Variants in GBP7 observed in about 807,000 individuals in gnomAD.
The protein encoded by GBP7 is guanylate binding protein 7, also known as guanylate-binding protein 7.
In GBP7, 43 loss-of-function variants were observed where a neutral mutation model predicts 61.3. That is an observed-to-expected ratio of 0.70 (90% CI 0.55 to 0.91). GBP7 has a LOEUF of 0.91. Among genes scored for constraint, GBP7 ranks in the 40% least tolerant of loss-of-function variants. The pLI is 0.00. For missense variants in GBP7, 717 were observed against 740.5 expected (o/e 0.97, Z 0.37); for synonymous variants, 267 against 271.0 (o/e 0.99, Z 0.14).
At chr1:89,145,650 AT>A (rs1682047356) in intron 8 of GBP7, among the ~76,000 whole-genome samples, 1 of 152,230 alleles carries the variant, frequency 6.6e-6, no homozygotes, top group Non-Finnish European at 1.5e-5. Context: ...CAAAATTAGC[AT>A]ACAAATTCAG....
At chr1:89,141,372 A>G (rs1352803795) in intron 9 of GBP7, among the ~76,000 whole-genome samples, 174 bp downstream of exon 9, 1 of 152,204 alleles carries the variant, frequency 6.6e-6, no homozygotes, top group East Asian at 1.9e-4. Flanking sequence ...GTGGGAAGAA[A>G]CTAAGTGGCT....
chr1:89,147,080 A>G (rs936180977), intron 8 of GBP7, among the ~76,000 whole-genome samples: 1 of 152,214 alleles, frequency 6.6e-6, no homozygotes, highest in Non-Finnish European at 1.5e-5. Context: ...TGATAATCCA[A>G]CAAAATCACC....
At position 89,132,308 on chromosome 1, in the gene GBP7, T is replaced by C. The variant is rs1407319335; in HGVS notation, c.1758A>G (p.Glu586=). The C allele has an allele frequency of 1.2e-6, 2 of 1,613,878 alleles. No individual in the cohort carries two copies. Among genetic ancestry groups the C allele is most frequent in the African/African-American group, 1.3e-5 (1 of 74,938 alleles). Residue 586 remains glutamate, a synonymous_variant, in exon 11 of 11, where the codon GAA becomes GAG. Transcript: ENST00000294671. ...GTGAAAACACTGAGGGCTCTTCATT[T>C]TCAGCTGCTTCAATTTGTTCTTTCA... The part of the protein sequence containing the change: ...NRLKEQIEAA[E]NEEPSVFSQI...
chr1:89,168,190 T>G (rs1647495738), intron 2 of GBP7, among the ~76,000 whole-genome samples: 1 of 152,170 alleles, frequency 6.6e-6, no homozygotes, highest in Non-Finnish European at 1.5e-5. Flanking sequence ...TTTTGCTCTA[T>G]TTTTCCTCTT....
chr1:89,168,535 T>C (rs1299905809), intron 2 of GBP7, among the ~76,000 whole-genome samples: 1 of 152,202 alleles, frequency 6.6e-6, no homozygotes, highest in African/African-American at 2.4e-5. Context: ...GCTTGGAGCA[T>C]GTATTTTTCC....
intron 2 of GBP7, among the ~76,000 whole-genome samples, chr1:89,170,346 G>A (rs1451114359): frequency 1.3e-5 from 2 of 152,130 alleles, no homozygotes; most frequent in African/African-American, 2.4e-5. Flanking sequence ...CTGCAGAAAC[G>A]ACACTCCTAA....
In GBP7 at chr1:89,131,998, T is replaced by C. The variant is rs2100631608; in HGVS notation, c.*151A>G. ...TCCCCATTTCTATTAATTATTACTT[T>C]AGTCAAAATTAAGTTTGTTTTTATG... On this transcript the variant is annotated 3_prime_UTR_variant, in exon 11 of 11. Coordinates refer to ENST00000294671, the MANE Select transcript of GBP7 (RefSeq NM_207398.3). The C allele has an allele frequency of 5.8e-6, 3 of 517,872 alleles. No homozygotes were observed. Among genetic ancestry groups the C allele is most frequent in the Middle Eastern group, 5.1e-4 (1 of 1,966 alleles). The allele number at this position is 517,872 out of a possible 1,614,324, so 32.1% of individuals were successfully genotyped here. A position where few individuals can be genotyped will look rare whatever the true frequency, so the allele number is the denominator to read the frequency against.
At chr1:89,165,867 G>C (rs1392558040) in intron 2 of GBP7, among the ~76,000 whole-genome samples, 1 of 151,998 alleles carries the variant, frequency 6.6e-6, no homozygotes, top group Non-Finnish European at 1.5e-5. Flanking sequence ...GTATACCTAC[G>C]TAAGAAACTT....
At chr1:89,139,182 C>G (rs1157887139) in intron 9 of GBP7, among the ~76,000 whole-genome samples, 13 of 152,044 alleles carry the variant, frequency 8.6e-5, no homozygotes, top group Non-Finnish European at 1.0e-4. Context: ...CTGACAAAAA[C>G]AAGCAATGGG....
At chr1:89,154,141 A>G (rs1179400060) in intron 3 of GBP7, among the ~76,000 whole-genome samples, 3 of 152,208 alleles carry the variant, frequency 2.0e-5, no homozygotes, top group Non-Finnish European at 2.9e-5. Context: ...AAGCATGTAT[A>G]TATTTGTATA....
intron 2 of GBP7, among the ~76,000 whole-genome samples, chr1:89,166,023 G>A (rs1647428216): frequency 6.6e-6 from 1 of 152,130 alleles, no homozygotes; most frequent in Non-Finnish European, 1.5e-5. Flanking sequence ...GAATCTCCTT[G>A]TGCCTTAATC....
At chr1:89,141,906 C>G (rs559548410) in intron 8 of GBP7, among the ~76,000 whole-genome samples, 2 of 152,172 alleles carry the variant, frequency 1.3e-5, no homozygotes, top group Non-Finnish European at 2.9e-5. Flanking sequence ...CACCCACCCC[C>G]GGTGCAGACA....
At chr1:89,170,886 C>A (rs963079100) in intron 2 of GBP7, among the ~76,000 whole-genome samples, 9 of 152,184 alleles carry the variant, frequency 5.9e-5, no homozygotes, top group African/African-American at 2.2e-4. Context: ...AGGGTCCCTG[C>A]AGTCAGGGTT....
chr1:89,169,233 C>T (rs1647532365), intron 2 of GBP7, among the ~76,000 whole-genome samples: 1 of 152,082 alleles, frequency 6.6e-6, no homozygotes, highest in Non-Finnish European at 1.5e-5. Context: ...AACCCTGTGA[C>T]CTTTGCTTGT....
rs780479381 is a variant in GBP7, at chr1:89,152,467, G to C, written c.429-3C>G. 3 of 1,613,518 alleles carry C rather than the reference G, an allele frequency of 1.9e-6. No individual in the cohort carries two copies. The highest frequency in any genetic ancestry group is 2.5e-6 in the Non-Finnish European group (3 of 1,179,554). On this transcript the variant is annotated splice_region_variant and splice_polypyrimidine_tract_variant and intron_variant, in intron 4 of 10. Transcript: ENST00000294671. ...GCTCTGTTAGCTCAGTCACGTAGCTGGGATCTCAGCTAAGGAAGGATAGCA... is the reference window on the plus strand; with the variant it reads ...GCTCTGTTAGCTCAGTCACGTAGCTCGGATCTCAGCTAAGGAAGGATAGCA...
Position 89,133,318 on chromosome 1 carries a change from C to T in GBP7, c.1602G>A (p.Met534Ile), listed in dbSNP as rs753882110. 3 of 1,614,060 alleles carry T rather than the reference C, an allele frequency of 1.9e-6. No individual in the cohort carries two copies. Among genetic ancestry groups the T allele is most frequent in the Non-Finnish European group, 2.5e-6 (3 of 1,179,978 alleles). The change falls in exon 10 of 11, where the codon ATG (methionine) becomes ATA (isoleucine). Residue 534 changes from methionine (M) to isoleucine (I), a missense_variant. Coordinates refer to ENST00000294671, the MANE Select transcript of GBP7 (RefSeq NM_207398.3). ...TCATATAGTTTTCCCTTTCCCTCTC[C>T]ATCTTCTTCTTGAGTTGAGCTATGT... The part of the protein sequence containing the change: ...QENIAQLKKK[M>I]ERERENYMRE...
intron 2 of GBP7, among the ~76,000 whole-genome samples, chr1:89,169,578 A>T (rs879771013): frequency 1.3e-5 from 2 of 152,168 alleles, no homozygotes; most frequent in African/African-American, 2.4e-5. Context: ...TAAATTTTGA[A>T]TTCTTCTAGG....
chr1:89,141,836 A>C (rs1486665016), intron 8 of GBP7, among the ~76,000 whole-genome samples, 188 bp from the exon 9 acceptor site: 3 of 152,114 alleles, frequency 2.0e-5, no homozygotes, highest in Admixed American at 1.3e-4. Context: ...AGACATGAAA[A>C]CCCTGTGTAG....
chr1:89,168,808 C>CA (rs1211592482), intron 2 of GBP7, among the ~76,000 whole-genome samples: 3 of 151,394 alleles, frequency 2.0e-5, no homozygotes, highest in African/African-American at 7.3e-5. Context: ...ACAACAACAA[C>CA]AACAAAAAAC....
Sources: allele counts gnomAD v4.1 joint callset (sites outside exome capture counted in the v4.1 genomes callset), GRCh38; gene constraint gnomAD v4.1.1; transcripts MANE v1.5; gene names NCBI Gene and HGNC (gene_info 2026-07-23, HGNC 2026-07-21).